WDR49: variants seen among roughly 807,000 people sequenced by gnomAD.
The protein encoded by WDR49 is WD repeat domain 49.
Under a neutral mutation model 119.5 loss-of-function variants are expected in WDR49, and 107 were observed. The ratio of observed to expected loss-of-function variants is 0.90; its 90% CI spans 0.77 to 1.05. The LOEUF (loss-of-function observed/expected upper bound fraction) is 1.05, where lower values mean the gene tolerates loss of function less well. Among genes scored for constraint, WDR49 ranks in the 50% least tolerant of loss-of-function variants. WDR49 has a pLI of 0.00. For synonymous variants in WDR49, 425 were observed against 418.8 expected (o/e 1.01, Z -0.18); for missense variants, 1,240 against 1,220.5 (o/e 1.02, Z -0.24).
At chr3:167,623,916 CT>C (rs940827761) in intron 3 of WDR49, among the ~76,000 whole-genome samples, 3 of 151,810 alleles carry the variant, frequency 2.0e-5, no homozygotes, top group Non-Finnish European at 4.4e-5. Flanking sequence ...AATGAACAGT[CT>C]GAAAATGAAA....
chr3:167,634,001 CAT>C (rs1717499805), intron 2 of WDR49, among the ~76,000 whole-genome samples: 1 of 151,916 alleles, frequency 6.6e-6, no homozygotes, highest in African/African-American at 2.4e-5. Flanking sequence ...CATTATAAAA[CAT>C]AGAGCATAAA....
chr3:167,636,366 T>C (rs1024440540), intron 2 of WDR49, among the ~76,000 whole-genome samples: 2 of 151,646 alleles, frequency 1.3e-5, no homozygotes, highest in African/African-American at 4.8e-5. Flanking sequence ...TGTATATATA[T>C]ATACCACAGT....
chr3:167,592,370 G>C (rs1186714926), intron 7 of WDR49, among the ~76,000 whole-genome samples: 1 of 150,390 alleles, frequency 6.6e-6, no homozygotes, highest in African/African-American at 2.4e-5. Context: ...GTTATATTCT[G>C]TGGTTTTTTT....
chr3:167,488,402 G>A (rs1033815676), intron 18 of WDR49, among the ~76,000 whole-genome samples: 2 of 151,980 alleles, frequency 1.3e-5, no homozygotes, highest in African/African-American at 4.8e-5. Context: ...GAACAGGGAT[G>A]GAGTGAGGGG....
intron 7 of WDR49, among the ~76,000 whole-genome samples, chr3:167,591,568 T>A (rs1411871510): frequency 6.6e-6 from 1 of 152,178 alleles, no homozygotes; most frequent in South Asian, 2.1e-4. Flanking sequence ...ATTTGCTTTA[T>A]ATATCTGGGT....
intron 18 of WDR49, among the ~76,000 whole-genome samples, chr3:167,482,678 CAA>C (rs56753360): frequency 0.031 from 2,172 of 71,162 alleles, 47 homozygotes; most frequent in African/African-American, 0.086. Flanking sequence ...GACTCTGTCT[CAA>C]AAAAAAAAAA....
chr3:167,512,214 G>C (rs189982832), intron 16 of WDR49, among the ~76,000 whole-genome samples: 8 of 147,104 alleles, frequency 5.4e-5, no homozygotes, highest in African/African-American at 1.9e-4. Context: ...ACTGGCATCA[G>C]GTCAGTGCAC....
chr3:167,640,825 T>A (rs1352533998), intron 2 of WDR49, among the ~76,000 whole-genome samples: 2 of 151,644 alleles, frequency 1.3e-5, no homozygotes, highest in Non-Finnish European at 1.5e-5. Flanking sequence ...GATGGGAGAC[T>A]CCAAGATGGC....
At chr3:167,591,007 G>A (rs914622798) in intron 7 of WDR49, among the ~76,000 whole-genome samples, 2 of 151,766 alleles carry the variant, frequency 1.3e-5, no homozygotes, top group Non-Finnish European at 2.9e-5. Context: ...GCACCATTAG[G>A]TTGTTTATTT....
At chr3:167,555,661 T>C (rs141274900) in intron 9 of WDR49, among the ~76,000 whole-genome samples, 2 of 152,244 alleles carry the variant, frequency 1.3e-5, no homozygotes, top group Non-Finnish European at 2.9e-5. Context: ...CCAACTGGTG[T>C]CCTCTGTAAA....
chr3:167,588,585 C>T (rs1465627451), intron 7 of WDR49, among the ~76,000 whole-genome samples: 1 of 152,102 alleles, frequency 6.6e-6, no homozygotes, highest in African/African-American at 2.4e-5. Flanking sequence ...ACATCCTCAC[C>T]AGCATTTGTT....
intron 10 of WDR49, among the ~76,000 whole-genome samples, chr3:167,543,695 G>A (rs1711982186): frequency 6.6e-6 from 1 of 151,880 alleles, no homozygotes; most frequent in Admixed American, 6.6e-5. Flanking sequence ...TGTTGAATGG[G>A]GAAAAGTTGA....
In WDR49 at chr3:167,594,645, C is replaced by T. The variant is rs910670229; in HGVS notation, c.1275+7482G>A. On this transcript the variant is annotated intron_variant, in intron 7 of 18. Transcript: ENST00000682715. The stretch of plus-strand genomic sequence containing the variant: ...AATCATGTGGTAGAAAAGCAAAACC[C>T]GGCCTTTGACAAAATTCAACAACCC... 1.3e-4 allele frequency among the ~76,000 whole-genome samples: 20 copies of T among 152,026 alleles called. 1 individual carries two copies. The highest frequency in any genetic ancestry group is 3.4e-4 in the African/African-American group (14 of 41,400).
intron 7 of WDR49, among the ~76,000 whole-genome samples, chr3:167,599,418 G>A (rs1715651056): frequency 6.6e-6 from 1 of 152,090 alleles, no homozygotes; most frequent in East Asian, 1.9e-4. Flanking sequence ...TTCACTTAAG[G>A]ATTAAGGCTC....
intron 18 of WDR49, among the ~76,000 whole-genome samples, chr3:167,493,503 G>A (rs1261199329): frequency 5.3e-5 from 8 of 152,094 alleles, no homozygotes; most frequent in Non-Finnish European, 8.8e-5. Context: ...CAGCATCTCC[G>A]TGGGTTTGCC....
chr3:167,500,903 G>T (rs1751536170), intron 17 of WDR49, among the ~76,000 whole-genome samples: 1 of 152,128 alleles, frequency 6.6e-6, no homozygotes, highest in South Asian at 2.1e-4. Context: ...ATGTTTCTTT[G>T]TTAGTTCTGT....
intron 10 of WDR49, among the ~76,000 whole-genome samples, chr3:167,542,638 G>A (rs1266594297): frequency 6.6e-6 from 1 of 151,962 alleles, no homozygotes; most frequent in African/African-American, 2.4e-5. Flanking sequence ...CAGCAAAACT[G>A]GTGCTAGGGT....
intron 5 of WDR49, among the ~76,000 whole-genome samples, chr3:167,608,169 C>T (rs1716153718): frequency 6.6e-6 from 1 of 152,136 alleles, no homozygotes. Context: ...GAAGCAGCCT[C>T]ACTGAAAATA....
chr3:167,596,420 C>T (rs1252043337), intron 7 of WDR49, among the ~76,000 whole-genome samples: 27 of 151,808 alleles, frequency 1.8e-4, no homozygotes, highest in Admixed American at 1.0e-3. Flanking sequence ...CACATGCACA[C>T]GTATGTTTAC....
Sources: gnomAD v4.1 joint callset for allele counts (sites outside exome capture counted in the v4.1 genomes callset) on GRCh38, gnomAD v4.1.1 for gene constraint, MANE v1.5 for transcripts, NCBI Gene and HGNC (gene_info 2026-07-23, HGNC 2026-07-21) for gene names.